The following LYST variants were observed in gnomAD, a reference collection of about 807,000 sequenced individuals.
The protein encoded by LYST is lysosomal-trafficking regulator.
In LYST, 192 loss-of-function variants were observed where a neutral mutation model predicts 413.6. The observed-to-expected ratio is 0.46, with a 90% CI of 0.41 to 0.52. The LOEUF (loss-of-function observed/expected upper bound fraction) is 0.52. Ranked by LOEUF, LYST falls within the 20% of genes least tolerant of loss-of-function variation. LYST has a pLI of 0.00. For synonymous variants in LYST, 1,525 were observed against 1,567.3 expected (o/e 0.97, Z 0.64); for missense variants, 3,815 against 4,499.9 (o/e 0.85, Z 4.35).
Position 235,734,507 on chromosome 1 carries a change from T to G in LYST, c.8511A>C (p.Ala2837=). The change falls in exon 32 of 53, where the codon GCA becomes GCC. Residue 2837 remains alanine (A), a synonymous_variant. Coordinates refer to ENST00000389793, the MANE Select transcript of LYST (RefSeq NM_000081.4). ...CCTCTTTGATCATTTTAATAAGGTC[T>G]GCTTTTGTTGATGCACTGGGAGGGA... ...KCIPPSASTK[A]DLIKMIKEEQ... is the part of the protein sequence containing the mutation. 6.2e-7 allele frequency: 1 copy of G among 1,613,744 alleles called. No homozygotes were observed. Among genetic ancestry groups the G allele is most frequent in the Non-Finnish European group, 8.5e-7 (1 of 1,179,672 alleles).
At chr1:235,684,474 G>A (rs1039694672) in intron 48 of LYST, among the ~76,000 whole-genome samples, 5 of 152,160 alleles carry the variant, frequency 3.3e-5, no homozygotes, top group African/African-American at 9.7e-5. Flanking sequence ...GTCAGAAAGG[G>A]GAGCTCAGAA....
At chr1:235,739,245 G>T (rs1255932708) in intron 31 of LYST, among the ~76,000 whole-genome samples, 1 of 152,164 alleles carries the variant, frequency 6.6e-6, no homozygotes. Flanking sequence ...ATCTTGTGTA[G>T]TCCTAAACTG....
chr1:235,693,751 A>C (rs1660861577), intron 46 of LYST, among the ~76,000 whole-genome samples: 1 of 152,200 alleles, frequency 6.6e-6, no homozygotes, highest in South Asian at 2.1e-4. Flanking sequence ...CTGTTAAGAA[A>C]TTATTATAAA....
chr1:235,806,323 C>CT lies in LYST; in HGVS notation c.2812dup (p.Ser938LysfsTer18). ...GAGAGATATACATGGCAGCATATGACTTAAAGGCTCGCTGGCTGTGCTGTC... is the reference window on the plus strand; with the variant it reads ...GAGAGATATACATGGCAGCATATGACTTTAAAGGCTCGCTGGCTGTGCTGTC... On this transcript the variant is annotated frameshift_variant, in exon 6 of 53. Transcript: ENST00000389793. LOFTEE classifies it high-confidence loss of function. The CT allele has an allele frequency of 6.2e-7, 1 of 1,614,034 alleles. No homozygotes were observed. The highest frequency in any genetic ancestry group is 8.5e-7 in the Non-Finnish European group (1 of 1,179,996).
chr1:235,826,397 G>T (rs1379708372), intron 3 of LYST, among the ~76,000 whole-genome samples: 53 of 152,166 alleles, frequency 3.5e-4, no homozygotes, highest in Non-Finnish European at 1.9e-4. Flanking sequence ...CAGGTGAATG[G>T]TTAAACAAAT....
intron 46 of LYST, among the ~76,000 whole-genome samples, chr1:235,694,441 T>C (rs1660930861): frequency 6.6e-6 from 1 of 152,206 alleles, no homozygotes; most frequent in African/African-American, 2.4e-5. Context: ...AAATGCAGCA[T>C]ATATGCTGTA....
chr1:235,760,015 T>C lies in LYST; in HGVS notation c.6254-416A>G, dbSNP rs554411331. On this transcript the variant is annotated intron_variant, in intron 22 of 52. Transcript: ENST00000389793. ...GTTTTTTCCTGTCTTCTTAACAAAATACAGTATTGACTGAATGATTCAAAG... is the reference window on the plus strand; with the variant it reads ...GTTTTTTCCTGTCTTCTTAACAAAACACAGTATTGACTGAATGATTCAAAG... Among the ~76,000 whole-genome samples the C allele has an allele frequency of 6.6e-5, 10 of 152,310 alleles. No homozygotes were observed. The East Asian group carries it at 1.7e-3, about 26-fold the overall frequency.
intron 48 of LYST, among the ~76,000 whole-genome samples, chr1:235,683,881 G>A (rs773809408): frequency 2.5e-4 from 38 of 152,150 alleles, no homozygotes; most frequent in Non-Finnish European, 5.1e-4. Context: ...CTGGGAAAAA[G>A]CAACAACAAT....
At chr1:235,737,955 A>AC in intron 31 of LYST, 1 of 1,321,968 alleles carries the variant, frequency 7.6e-7, no homozygotes, top group East Asian at 2.9e-5. Context: ...CACCCGCCGG[A>AC]CGTGCATTCT....
At chr1:235,853,584 A>T (rs746071022) in intron 1 of LYST, among the ~76,000 whole-genome samples, 1 of 152,044 alleles carries the variant, frequency 6.6e-6, no homozygotes, top group Non-Finnish European at 1.5e-5. Context: ...AGGTGTACAT[A>T]TTATTTTTTC....
chr1:235,693,568 G>A, intron 46 of LYST, 82 bp from the exon 47 acceptor site: 1 of 1,492,052 alleles, frequency 6.7e-7, no homozygotes, highest in Non-Finnish European at 9.3e-7. Flanking sequence ...AGATTAAAGG[G>A]TGAAGTTTAC....
chr1:235,780,831 CTATAAAATTAAAATT>C lies in LYST; in HGVS notation c.5214+19_5214+33del, dbSNP rs1160811769. ...CAATAAATATACCTAAATACATTTACTATAAAATTAAAATTTATAAAATTAAAACTTACAATTAAG... is the reference window on the plus strand; with the variant it reads ...CAATAAATATACCTAAATACATTTACTATAAAATTAAAACTTACAATTAAG... On this transcript the variant is annotated intron_variant, in intron 16 of 52. Transcript: ENST00000389793. 3 of 891,420 alleles carry C rather than the reference CTATAAAATTAAAATT, an allele frequency of 3.4e-6. No homozygotes were observed. Among genetic ancestry groups the C allele is most frequent in the Non-Finnish European group, 3.4e-6 (2 of 596,576 alleles). 55.2% of individuals were successfully genotyped at this position (891,420 alleles called of 1,614,324 possible).
chr1:235,861,655 T>A (rs1010362408), intron 1 of LYST, among the ~76,000 whole-genome samples: 1 of 152,188 alleles, frequency 6.6e-6, no homozygotes, highest in Non-Finnish European at 1.5e-5. Context: ...TACATATATA[T>A]GTTTTGTTTG....
intron 14 of LYST, among the ~76,000 whole-genome samples, chr1:235,785,582 A>T (rs1308432055): frequency 6.6e-6 from 1 of 152,186 alleles, no homozygotes; most frequent in African/African-American, 2.4e-5. Context: ...TATATAAAGC[A>T]CCTAGCAAAA....
rs772560535 is a variant in LYST at position 235,808,843 on chromosome 1, A to G, written c.1975T>C (p.Cys659Arg). 2.1e-5 allele frequency: 34 copies of G among 1,613,936 alleles called. No homozygotes were observed. Among genetic ancestry groups the G allele is most frequent in the East Asian group, 1.8e-4 (8 of 44,880 alleles). The change falls in exon 5 of 53, where the codon TGT becomes CGT. Residue 659 changes from cysteine (C) to arginine (R), a missense_variant. By Grantham distance (180) the Cys-to-Arg change is radical. Around this residue, in one of 4 missense-constraint regions of LYST, gnomAD observed 1,648 missense variants for 1,810.3 expected, o/e 0.91. Transcript: ENST00000389793. Reference protein sequence around the residue: ...QLEETLQGNLCDAELSSSLSS... With the variant: ...QLEETLQGNLRDAELSSSLSS... The stretch of plus-strand genomic sequence containing the variant: ...AAACTTGAGGAGAGTTCAGCATCAC[A>G]TAAGTTTCCCTGCAGTGTCTCTTCT...
chr1:235,857,777 A>ACG (rs1462882382), intron 1 of LYST, among the ~76,000 whole-genome samples: 3 of 144,634 alleles, frequency 2.1e-5, no homozygotes, highest in Non-Finnish European at 4.5e-5. Context: ...ACACACACAC[A>ACG]CACACACATA....
At position 235,662,635 on chromosome 1, in the gene LYST, T is replaced by A. The variant is rs1051732843; in HGVS notation, c.*305A>T. 2.6e-6 allele frequency: 1 copy of A among 387,550 alleles called. No individual in the cohort carries two copies. Among genetic ancestry groups the A allele is most frequent in the African/African-American group, 2.1e-5 (1 of 48,496 alleles). 24.0% of individuals were successfully genotyped at this position (387,550 alleles called of 1,614,324 possible). ...ATAGAAAAAGGGGAGACCTTAATAT[T>A]TTCTTTGGAATACCTTGGTGGGAAA... On this transcript the variant is annotated 3_prime_UTR_variant, in exon 53 of 53. Coordinates refer to ENST00000389793, the MANE Select transcript of LYST (RefSeq NM_000081.4).
At position 235,709,243 on chromosome 1, in the gene LYST, G is replaced by A. The variant is rs1662215700; in HGVS notation, c.9991C>T (p.Arg3331Cys). Residue 3331 changes from arginine (R) to cysteine (C), a missense_variant, in exon 44 of 53, where the codon CGT (arginine) becomes TGT (cysteine). Arg to Cys is a radical substitution (Grantham distance 180, BLOSUM62 -3). This residue lies in a region of LYST where 866 missense variants were observed against 1,156.0 expected (regional missense o/e 0.75). Transcript: ENST00000389793. ...AGGATAAAAAGACGAGGATCATTAC[G>A]CGCCCAAGGGGGAAGGTTGACGTGA... The part of the protein sequence containing the change: ...VNHVNLPPWA[R>C]NDPRLFILIH... The A allele has an allele frequency of 1.1e-5, 17 of 1,614,104 alleles. No individual in the cohort carries two copies. Among genetic ancestry groups the A allele is most frequent in the Non-Finnish European group, 1.4e-5 (17 of 1,179,994 alleles).
intron 6 of LYST, among the ~76,000 whole-genome samples, 198 bp from the exon 7 acceptor site, chr1:235,804,863 ATACT>A (rs1305978524): frequency 6.6e-6 from 1 of 152,218 alleles, no homozygotes; most frequent in East Asian, 1.9e-4. Flanking sequence ...TATTGATAAA[ATACT>A]TAGTTCATCT....
Sources: gnomAD v4.1 joint callset for allele counts (sites outside exome capture counted in the v4.1 genomes callset) on GRCh38, gnomAD v4.1.1 for gene constraint, gnomAD v4.1.1 regional missense constraint, MANE v1.5 for transcripts, NCBI Gene and HGNC (gene_info 2026-07-23, HGNC 2026-07-21) for gene names.